C19orf25: variants seen among roughly 807,000 people sequenced by gnomAD.
The protein encoded by C19orf25 is UPF0449 protein C19orf25.
C19orf25 carries 1 observed loss-of-function variant against 3.1 expected under a neutral mutation model. The ratio of observed to expected loss-of-function variants is 0.32; its 90% confidence interval spans 0.12 to 1.54. C19orf25 has a LOEUF of 1.54. Ranked by LOEUF, C19orf25 falls within the 40% of genes most tolerant of loss-of-function variation. C19orf25 has a pLI of 0.38. For synonymous variants in C19orf25, 91 were observed against 74.3 expected, an observed-to-expected ratio of 1.23 and a Z score of -1.16; for missense variants, 196 against 160.4, an observed-to-expected ratio of 1.22 and a Z score of -1.20.
At chr19:1,475,493 C>T (rs1363826334) in intron 2 of C19orf25, 2 of 523,472 alleles carry the variant, frequency 3.8e-6, no homozygotes, top group Non-Finnish European at 6.9e-6. Flanking sequence ...CCAGCCTGGA[C>T]AACATAGTGA....
chr19:1,477,970 G>A (rs894171193), intron 2 of C19orf25, among the ~76,000 whole-genome samples: 1 of 152,068 alleles, frequency 6.6e-6, no homozygotes, highest in Non-Finnish European at 1.5e-5. Flanking sequence ...CTCCTGAGTG[G>A]CTGGGATTAC....
rs373532082 is a variant in C19orf25 at position 1,479,150 on chromosome 19, G to A, written c.-3+13C>T. On this transcript the variant is annotated intron_variant, in intron 1 of 2. Transcript: ENST00000585675. ...TTTCCCCGCGGTCACCCCAGTCGCCGGCCTCTTCCCACCTGGGCGCGGGAC... is the reference window on the plus strand; with the variant it reads ...TTTCCCCGCGGTCACCCCAGTCGCCAGCCTCTTCCCACCTGGGCGCGGGAC... 2.3e-6 allele frequency: 3 copies of A among 1,291,818 alleles called. No homozygotes were observed. The highest frequency in any genetic ancestry group is 2.9e-6 in the Non-Finnish European group (3 of 1,022,012). 80.0% of individuals were successfully genotyped at this position (1,291,818 alleles called of 1,614,324 possible).
intron 2 of C19orf25, chr19:1,478,428 TGTTTTTGTTTTG>T (rs2084228479): frequency 2.0e-6 from 1 of 498,976 alleles, no homozygotes. Context: ...TTTTTGTTTT[TGTTTTTGTTTTG>T]TTTTTTCATT....
rs144358010 is a variant in C19orf25, at chr19:1,474,933, TG to T, written c.*98del. 0.052 allele frequency: 78,783 copies of T among 1,528,874 alleles called. 2,318 individuals carry two copies. The highest frequency in any genetic ancestry group is 0.073 in the South Asian group (6,103 of 83,842). The allele number at this position is 1,528,874 out of a possible 1,614,324, so 94.7% of individuals were successfully genotyped here. A position where few individuals can be genotyped will look rare whatever the true frequency, so the allele number is the denominator to read the frequency against. On this transcript the variant is annotated 3_prime_UTR_variant, in exon 3 of 3. Coordinates refer to ENST00000585675, the MANE Select transcript of C19orf25 (RefSeq NM_152482.3). ...CGCCTGTGTCAACACCCACGTGGGC[TG>T]GGACCCCGTGAATGCCAGTCTGGGG...
chr19:1,478,898 G>A lies in C19orf25; in HGVS notation c.6C>T (p.Gly2=), dbSNP rs569655428. Residue 2 remains glycine, a synonymous_variant, in exon 2 of 3, where the codon GGC becomes GGT. Transcript: ENST00000585675. ...GCAGCACGCGCTTCTTTGCCTTGGA[G>A]CCCATCTCTGAAGGCGGGGAAGGGG... is the stretch of plus-strand genomic sequence containing the variant. The part of the protein sequence containing the change: M[G]SKAKKRVLLP... 1 of 1,591,314 alleles carries A rather than the reference G, an allele frequency of 6.3e-7. No individual in the cohort carries two copies. The highest frequency in any genetic ancestry group is 2.3e-5 in the East Asian group (1 of 43,076).
At chr19:1,475,302 T>C (rs1452020051) in intron 2 of C19orf25, 44 bp from the exon 3 acceptor site, 6 of 1,504,022 alleles carry the variant, frequency 4.0e-6, no homozygotes, top group Non-Finnish European at 5.4e-6. Flanking sequence ...GACCACCCCA[T>C]CCTCCTGGGC....
chr19:1,478,697 T>C (rs1457198322), intron 2 of C19orf25, 77 bp downstream of exon 2: 2 of 1,528,856 alleles, frequency 1.3e-6, no homozygotes, highest in Admixed American at 2.1e-5. Flanking sequence ...GGTCAGGAGT[T>C]AGGGGTGTGC....
intron 2 of C19orf25, chr19:1,476,371 G>GC (rs2084205803): frequency 5.0e-6 from 2 of 398,224 alleles, no homozygotes; most frequent in Admixed American, 4.4e-5. Context: ...TTCTGTGAGC[G>GC]CCCCCCGTCC....
chr19:1,475,327 C>T, intron 2 of C19orf25, 69 bp from the exon 3 acceptor site: 1 of 1,438,018 alleles, frequency 7.0e-7, no homozygotes, highest in Non-Finnish European at 9.3e-7. Flanking sequence ...CTCACTACTG[C>T]CCCCAAAGGG....
chr19:1,479,047 C>A, intron 1 of C19orf25, 116 bp downstream of exon 1: 1 of 1,288,988 alleles, frequency 7.8e-7, no homozygotes, highest in Non-Finnish European at 1.0e-6. Context: ...CCTCTGAGCT[C>A]GCCCCAGGCC....
chr19:1,475,687 T>C, intron 2 of C19orf25: 1 of 180,582 alleles, frequency 5.5e-6, no homozygotes, highest in Non-Finnish European at 1.2e-5. Flanking sequence ...AGACCCTGTC[T>C]CAAAAATAAA....
chr19:1,478,590 G>A (rs978512089), intron 2 of C19orf25, 184 bp downstream of exon 2: 14 of 1,397,804 alleles, frequency 1.0e-5, no homozygotes, highest in East Asian at 2.9e-5. Context: ...CCTGTCAGAA[G>A]AACCCTCTGA....
chr19:1,478,535 A>C (rs2084229553), intron 2 of C19orf25: 5 of 1,260,184 alleles, frequency 4.0e-6, no homozygotes, highest in Middle Eastern at 2.2e-4. Context: ...CATCCTCCGA[A>C]AGTGCTGGGC....
rs2084181887 is a variant in C19orf25 at position 1,474,414 on chromosome 19, G to C, written c.*618C>G. On this transcript the variant is annotated 3_prime_UTR_variant, in exon 3 of 3. Coordinates refer to ENST00000585675, the MANE Select transcript of C19orf25 (RefSeq NM_152482.3). The stretch of plus-strand genomic sequence containing the variant: ...GTGACTCACAGCGGTCCTCCAGCAA[G>C]GGCAGTGGCTGGGAGACACCCGTGC... 1 of 162,866 alleles carries C rather than the reference G, an allele frequency of 6.1e-6. No homozygotes were observed. The highest frequency in any genetic ancestry group is 1.3e-5 in the Non-Finnish European group (1 of 75,520). 10.1% of individuals were successfully genotyped at this position (162,866 alleles called of 1,614,324 possible). A position where few individuals can be genotyped will look rare whatever the true frequency, so the allele number is the denominator to read the frequency against.
At chr19:1,478,550 A>C in intron 2 of C19orf25, 1 of 1,319,172 alleles carries the variant, frequency 7.6e-7, no homozygotes, top group Non-Finnish European at 9.7e-7. Flanking sequence ...CTGGGCTTAC[A>C]GGCCTGAACC....
At position 1,478,630 on chromosome 19, in the gene C19orf25, G is replaced by A. The variant is rs1038681077; in HGVS notation, c.130+144C>T. On this transcript the variant is annotated intron_variant, in intron 2 of 2. Coordinates refer to ENST00000585675, the MANE Select transcript of C19orf25 (RefSeq NM_152482.3). Reference sequence around the variant, plus strand: ...CGGTCCCACTCTACGGAGGAGTAGAGGGAGACTCGGAGAGGATACGGACCG... The same window carrying A: ...CGGTCCCACTCTACGGAGGAGTAGAAGGAGACTCGGAGAGGATACGGACCG... 6.2e-6 allele frequency: 9 copies of A among 1,448,326 alleles called. No homozygotes were observed. In the Admixed American group the frequency reaches 1.3e-4, roughly 22 times the overall value. 89.7% of individuals were successfully genotyped at this position (1,448,326 alleles called of 1,614,324 possible). A position where few individuals can be genotyped will look rare whatever the true frequency, so the allele number is the denominator to read the frequency against.
At chr19:1,476,516 A>G (rs543925831) in intron 2 of C19orf25, 115 of 385,478 alleles carry the variant, frequency 3.0e-4, no homozygotes, top group African/African-American at 2.2e-3. Flanking sequence ...CACCTTGACC[A>G]GTACCGGCCC....
chr19:1,478,699 G>A, intron 2 of C19orf25, 75 bp downstream of exon 2: 1 of 1,530,296 alleles, frequency 6.5e-7, no homozygotes, highest in Non-Finnish European at 8.8e-7. Context: ...TCAGGAGTTA[G>A]GGGTGTGCTT....
intron 2 of C19orf25, chr19:1,478,390 G>A (rs1384957613): frequency 2.5e-6 from 1 of 394,986 alleles, no homozygotes; most frequent in Non-Finnish European, 4.4e-6. Flanking sequence ...ACAGGCGCCT[G>A]CCACTATGCC....
Sources: gnomAD v4.1 joint callset for allele counts (sites outside exome capture counted in the v4.1 genomes callset) on GRCh38, gnomAD v4.1.1 for gene constraint, MANE v1.5 for transcripts, NCBI Gene and HGNC (gene_info 2026-07-23, HGNC 2026-07-21) for gene names.